Variants in BAZ1A observed in about 807,000 individuals in gnomAD.
BAZ1A encodes the protein bromodomain adjacent to zinc finger domain 1A.
BAZ1A carries 50 observed loss-of-function variants against 185.2 expected under a neutral mutation model. The observed-to-expected ratio is 0.27, with a 90% CI of 0.22 to 0.34. BAZ1A has a LOEUF of 0.34. Among genes scored for constraint, BAZ1A ranks in the 10% least tolerant of loss-of-function variants. BAZ1A has a pLI of 1.00. For missense variants in BAZ1A, 1,356 were observed against 1,839.9 expected (o/e 0.74, Z 4.81); for synonymous variants, 571 against 615.6 (o/e 0.93, Z 1.07).
rs148152677 is a variant in BAZ1A at position 34,762,048 on chromosome 14, T to C, written c.3952A>G (p.Ile1318Val). 1.2e-4 allele frequency: 197 copies of C among 1,614,100 alleles called. No individual in the cohort carries two copies. Among genetic ancestry groups the C allele is most frequent in the Non-Finnish European group, 1.3e-4 (155 of 1,180,058 alleles). ...GTTTCTGTAGGAGGAGCAGAGTTTATCTTTCTTAGGCTTCTACCAGTTTTA... is the reference window on the plus strand; with the variant it reads ...GTTTCTGTAGGAGGAGCAGAGTTTACCTTTCTTAGGCTTCTACCAGTTTTA... ...SSKTGRSLRK[I>V]NSAPPTETKS... Residue 1318 changes from isoleucine to valine, a missense_variant, in exon 24 of 27, where the codon ATA (isoleucine) becomes GTA (valine). Physicochemically the swap from Ile to Val is conservative, Grantham distance 29. Coordinates refer to ENST00000360310, the MANE Select transcript of BAZ1A (RefSeq NM_013448.3).
intron 3 of BAZ1A, among the ~76,000 whole-genome samples, chr14:34,836,839 A>C (rs2042338787): frequency 6.6e-6 from 1 of 152,008 alleles, no homozygotes; most frequent in African/African-American, 2.4e-5. Flanking sequence ...AATTATGTCA[A>C]TTACTTGTCA....
At chr14:34,779,718 C>T (rs190587701) in intron 17 of BAZ1A, among the ~76,000 whole-genome samples, 122 of 152,156 alleles carry the variant, frequency 8.0e-4, no homozygotes, top group African/African-American at 2.8e-3. Context: ...AATTTTAAGG[C>T]AGGAGAGATT....
In BAZ1A at chr14:34,802,862, T is replaced by C. The variant is rs1594856196; in HGVS notation, c.853A>G (p.Ile285Val). ...ATCAATTCTGTACTTACTTGACTAATATGTATTCGTTTGGGAGGTCTCCCT... is the reference window on the plus strand; with the variant it reads ...ATCAATTCTGTACTTACTTGACTAACATGTATTCGTTTGGGAGGTCTCCCT... ...RRGRPPKRIH[I>V]SQEDNVANKQ... Residue 285 changes from isoleucine (I) to valine (V), a missense_variant, in exon 7 of 27, where the codon ATT becomes GTT. Coordinates refer to ENST00000360310, the MANE Select transcript of BAZ1A (RefSeq NM_013448.3). 6.2e-7 allele frequency: 1 copy of C among 1,612,870 alleles called. No individual in the cohort carries two copies. Among genetic ancestry groups the C allele is most frequent in the Non-Finnish European group, 8.5e-7 (1 of 1,179,296 alleles).
At chr14:34,868,898 A>ATG (rs3062620) in intron 2 of BAZ1A, among the ~76,000 whole-genome samples, 2,325 of 96,096 alleles carry the variant, frequency 0.024, 63 homozygotes, top group African/African-American at 0.07. Context: ...GTAAGTATGT[A>ATG]TGTGTGTGTG....
rs764317269 is a variant in BAZ1A, at chr14:34,753,632, G to C, written c.4547C>G (p.Ala1516Gly). The C allele has an allele frequency of 6.2e-7, 1 of 1,613,978 alleles. No homozygotes were observed. The highest frequency in any genetic ancestry group is 1.1e-5 in the South Asian group (1 of 91,086). ...TGCTTGAAGCCTAGTTCCAGCTTTT[G>C]CTTCACTTGTGTTACGAGGGTTGTA... ...FEYNPRNTSE[A>G]KAGTRLQAFF... The change falls in exon 27 of 27, where the codon GCA becomes GGA. Residue 1516 changes from alanine (A) to glycine (G), a missense_variant. This residue lies in a region of BAZ1A where 61 missense variants were observed against 117.9 expected (regional missense o/e 0.52). Coordinates refer to ENST00000360310, the MANE Select transcript of BAZ1A (RefSeq NM_013448.3).
chr14:34,861,793 G>A (rs140277317), intron 3 of BAZ1A, among the ~76,000 whole-genome samples: 182 of 152,230 alleles, frequency 1.2e-3, no homozygotes, highest in African/African-American at 4.3e-3. Context: ...ATTTGTGCAC[G>A]TTTGTTACAT....
intron 25 of BAZ1A, 64 bp downstream of exon 25, chr14:34,758,640 A>G: frequency 6.5e-7 from 1 of 1,535,370 alleles, no homozygotes; most frequent in Non-Finnish European, 8.9e-7. Context: ...GACTACTTCA[A>G]AGTTATCACG....
intron 4 of BAZ1A, among the ~76,000 whole-genome samples, chr14:34,813,606 C>A (rs2041960871): frequency 2.0e-5 from 3 of 152,048 alleles, no homozygotes. Flanking sequence ...ATCGCTTGAA[C>A]TGGGAGGCAG....
rs576170906 is a variant in BAZ1A at position 34,762,859 on chromosome 14, A to G, written c.3777-636T>C. ...AATAAAATGCTCAGGAGAACCAACA[A>G]ATAGACTTAGTCAATCATGTTGGAA... On this transcript the variant is annotated intron_variant, in intron 23 of 26. Transcript: ENST00000360310. Among the ~76,000 whole-genome samples, 130 of 152,338 alleles carry G rather than the reference A, an allele frequency of 8.5e-4. 1 individual carries two copies. The highest frequency in any genetic ancestry group is 1.6e-3 in the Non-Finnish European group (106 of 68,034).
At chr14:34,792,632 G>T in intron 12 of BAZ1A, 143 bp downstream of exon 12, 1 of 951,694 alleles carries the variant, frequency 1.1e-6, no homozygotes, top group Non-Finnish European at 1.6e-6. Context: ...TCCATTTGTT[G>T]TTAGCATATG....
At chr14:34,760,175 C>G (rs1211254059) in intron 24 of BAZ1A, among the ~76,000 whole-genome samples, 1 of 152,120 alleles carries the variant, frequency 6.6e-6, no homozygotes, top group Non-Finnish European at 1.5e-5. Flanking sequence ...TCCTTAGTAC[C>G]AGGCTTAGCA....
intron 10 of BAZ1A, among the ~76,000 whole-genome samples, chr14:34,795,211 T>C (rs1011358395): frequency 2.6e-5 from 4 of 152,344 alleles, no homozygotes; most frequent in African/African-American, 9.6e-5. Context: ...CATTCTGAAG[T>C]CAAATCAGCT....
At chr14:34,805,931 G>A (rs1881832870) in intron 6 of BAZ1A, among the ~76,000 whole-genome samples, 1 of 151,566 alleles carries the variant, frequency 6.6e-6, no homozygotes, top group Admixed American at 6.6e-5. Flanking sequence ...GCCCAGGCTG[G>A]AGTGCAGTGG....
chr14:34,797,328 G>A (rs1881250734), intron 9 of BAZ1A, among the ~76,000 whole-genome samples: 1 of 152,134 alleles, frequency 6.6e-6, no homozygotes, highest in African/African-American at 2.4e-5. Flanking sequence ...GGGAGGTCGA[G>A]GCGGGCAGAT....
chr14:34,842,868 C>T (rs2042438480), intron 3 of BAZ1A, among the ~76,000 whole-genome samples: 1 of 152,000 alleles, frequency 6.6e-6, no homozygotes, highest in South Asian at 2.1e-4. Flanking sequence ...AAGCAACTAT[C>T]ACATGGCTAT....
intron 3 of BAZ1A, among the ~76,000 whole-genome samples, chr14:34,849,759 A>AAC (rs2042569569): frequency 6.6e-6 from 1 of 152,190 alleles, no homozygotes; most frequent in South Asian, 2.1e-4. Flanking sequence ...AGAGTTTTTT[A>AAC]ACTGCTGCTT....
Position 34,753,067 on chromosome 14 carries a change from T to G in BAZ1A, c.*441A>C, listed in dbSNP as rs1407952243. On this transcript the variant is annotated 3_prime_UTR_variant, in exon 27 of 27. Transcript: ENST00000360310. ...GATTGGATTCATTCATGTGTAGTGT[T>G]GAAAGAATGTACTCAAACAATTAAT... 1.3e-5 allele frequency: 2 copies of G among 155,210 alleles called. No individual in the cohort carries two copies. Among genetic ancestry groups the G allele is most frequent in the Non-Finnish European group, 1.4e-5 (1 of 69,728 alleles). 9.6% of individuals were successfully genotyped at this position (155,210 alleles called of 1,614,324 possible). A position where few individuals can be genotyped will look rare whatever the true frequency, so the allele number is the denominator to read the frequency against.
chr14:34,835,189 G>A (rs1271612877), intron 3 of BAZ1A, among the ~76,000 whole-genome samples: 1 of 151,848 alleles, frequency 6.6e-6, no homozygotes. Context: ...AGCCTCCCCA[G>A]TAGCTGGGAT....
intron 3 of BAZ1A, among the ~76,000 whole-genome samples, chr14:34,854,675 A>AT (rs2042647756): frequency 6.6e-6 from 1 of 152,190 alleles, no homozygotes; most frequent in African/African-American, 2.4e-5. Context: ...AAAGGATGTC[A>AT]TTTGTCCAAC....
Sources: allele counts gnomAD v4.1 joint callset (sites outside exome capture counted in the v4.1 genomes callset), GRCh38; gene constraint gnomAD v4.1.1; regional missense constraint gnomAD v4.1.1; transcripts MANE v1.5; gene names NCBI Gene and HGNC (gene_info 2026-07-23, HGNC 2026-07-21).